FANCL: variants seen among roughly 807,000 people sequenced by gnomAD.
FANCL encodes the protein FA complementation group L.
FANCL carries 69 observed loss-of-function variants against 59.4 expected under a neutral mutation model. That is an observed-to-expected ratio of 1.16 (90% confidence interval 0.96 to 1.42). The LOEUF is 1.42. Among genes scored for constraint, FANCL ranks in the 40% most tolerant of loss-of-function variants. The pLI is 0.00. For synonymous variants in FANCL, 180 were observed against 147.1 expected (o/e 1.22, Z -1.62); for missense variants, 519 against 447.2 (o/e 1.16, Z -1.45).
chr2:58,179,757 C>G (rs757277395), intron 7 of FANCL, among the ~76,000 whole-genome samples: 1 of 152,124 alleles, frequency 6.6e-6, no homozygotes, highest in East Asian at 1.9e-4. Context: ...AGAGCTCCTT[C>G]ACAGCAAAAG....
Position 58,163,528 on chromosome 2 carries a change from A to T in FANCL, c.692-11T>A. On this transcript the variant is annotated splice_polypyrimidine_tract_variant and intron_variant, in intron 8 of 13. Coordinates refer to ENST00000233741, the MANE Select transcript of FANCL (RefSeq NM_018062.4). ...TGGAAACATTATTACCTAGAATGAA[A>T]CAAGATTAAATCTTTTAGAAGTAGA... is the stretch of plus-strand genomic sequence containing the variant. 6.6e-7 allele frequency: 1 copy of T among 1,523,872 alleles called. No homozygotes were observed. Among genetic ancestry groups the T allele is most frequent in the Middle Eastern group, 1.7e-4 (1 of 5,890 alleles). 94.4% of individuals were successfully genotyped at this position (1,523,872 alleles called of 1,614,324 possible).
At chr2:58,192,693 T>C (rs1166355708) in intron 7 of FANCL, among the ~76,000 whole-genome samples, 1 of 151,942 alleles carries the variant, frequency 6.6e-6, no homozygotes, top group African/African-American at 2.4e-5. Context: ...AACTCCTCAT[T>C]ATCTACGGTG....
chr2:58,231,429 G>C (rs144593535), intron 2 of FANCL, among the ~76,000 whole-genome samples: 2 of 152,088 alleles, frequency 1.3e-5, no homozygotes, highest in Non-Finnish European at 1.5e-5. Context: ...CTCTAGCTTA[G>C]AGATCTGAGC....
intron 1 of FANCL, among the ~76,000 whole-genome samples, chr2:58,237,604 T>C (rs1261829309): frequency 6.6e-6 from 1 of 151,790 alleles, no homozygotes; most frequent in East Asian, 1.9e-4. Flanking sequence ...TAGAAAAAAA[T>C]TGAAGAAATT....
chr2:58,223,166 A>T (rs891283256), intron 4 of FANCL, among the ~76,000 whole-genome samples: 1 of 151,430 alleles, frequency 6.6e-6, no homozygotes, highest in Non-Finnish European at 1.5e-5. Flanking sequence ...CTGGGAAAAC[A>T]GATCCGTACA....
Position 58,201,788 on chromosome 2 carries a change from G to GT in FANCL, c.471+2341dup, listed in dbSNP as rs546255325. Among the ~76,000 whole-genome samples, 90 of 151,944 alleles carry GT rather than the reference G, an allele frequency of 5.9e-4. 1 individual carries two copies. Among genetic ancestry groups the GT allele is most frequent in the South Asian group, 1.7e-3 (8 of 4,818 alleles). ...AATAAAGGACATCTAGTCAAAATAGGTATTTGTTTTCTTTGTGAGTTTCTT... is the reference window on the plus strand; with the variant it reads ...AATAAAGGACATCTAGTCAAAATAGGTTATTTGTTTTCTTTGTGAGTTTCTT... On this transcript the variant is annotated intron_variant, in intron 6 of 13. Transcript: ENST00000233741.
intron 1 of FANCL, among the ~76,000 whole-genome samples, chr2:58,236,014 T>C (rs1273083136): frequency 1.3e-5 from 2 of 150,918 alleles, no homozygotes; most frequent in African/African-American, 2.4e-5. Flanking sequence ...ATGCATGTAT[T>C]TGGAGTGCCC....
intron 7 of FANCL, among the ~76,000 whole-genome samples, chr2:58,180,382 T>C (rs370217096): frequency 6.6e-6 from 1 of 152,118 alleles, no homozygotes. Context: ...TGGAATACTA[T>C]GCAGCCATAA....
intron 2 of FANCL, among the ~76,000 whole-genome samples, chr2:58,231,479 T>C (rs565597906): frequency 2.0e-5 from 3 of 152,208 alleles, no homozygotes; most frequent in Admixed American, 1.3e-4. Flanking sequence ...TTTTCCCTCT[T>C]AACTACACTT....
rs34333134 is a variant in FANCL at position 58,190,468 on chromosome 2, G to GA, written c.540+8125dup. The stretch of plus-strand genomic sequence containing the variant: ...TCCTATATTGTGTACTATTCAAAAA[G>GA]AAAAAAAAAAAAAAAAGGCCAAGCC... On this transcript the variant is annotated intron_variant, in intron 7 of 13. Transcript: ENST00000233741. Among the ~76,000 whole-genome samples the GA allele has an allele frequency of 6.4e-3, 566 of 87,878 alleles. 2 individuals are homozygous for GA. Among genetic ancestry groups the GA allele is most frequent in the African/African-American group, 0.012 (337 of 28,332 alleles). The allele number at this position is 87,878 out of a possible 152,430, so 57.7% of individuals were successfully genotyped here. A position where few individuals can be genotyped will look rare whatever the true frequency, so the allele number is the denominator to read the frequency against.
chr2:58,175,306 C>A (rs1687174994), intron 7 of FANCL, among the ~76,000 whole-genome samples: 3 of 148,726 alleles, frequency 2.0e-5, no homozygotes, highest in Non-Finnish European at 4.4e-5. Context: ...CATTCTGATA[C>A]CAAAGCCGGG....
intron 1 of FANCL, among the ~76,000 whole-genome samples, chr2:58,235,831 A>C (rs939856901): frequency 4.6e-5 from 7 of 152,096 alleles, no homozygotes; most frequent in African/African-American, 1.7e-4. Context: ...CCCTCAAAAA[A>C]CATAATGTTT....
intron 7 of FANCL, among the ~76,000 whole-genome samples, chr2:58,193,884 T>C (rs72948853): frequency 0.02 from 3,009 of 152,264 alleles, 113 homozygotes; most frequent in African/African-American, 0.069. Context: ...AAAGGGCAGT[T>C]ATGTGACTTG....
chr2:58,221,826 CTA>C (rs1692508086), intron 5 of FANCL, 114 bp downstream of exon 5: 9 of 710,684 alleles, frequency 1.3e-5, no homozygotes, highest in Non-Finnish European at 2.2e-5. Flanking sequence ...ATCAAATACT[CTA>C]GTTACAATTA....
At chr2:58,217,181 T>G (rs867458244) in intron 5 of FANCL, among the ~76,000 whole-genome samples, 13 of 4,916 alleles carry the variant, frequency 2.6e-3, no homozygotes, top group African/African-American at 4.3e-3. Flanking sequence ...TATATATATA[T>G]ATATATATAT....
Position 58,221,963 on chromosome 2 carries a change from A to C in FANCL, c.353T>G (p.Ile118Arg). Residue 118 changes from isoleucine to arginine, a missense_variant, in exon 5 of 14, where the codon ATA (isoleucine) becomes AGA (arginine). Ile to Arg is a moderately conservative substitution (Grantham distance 97, BLOSUM62 -3). Coordinates refer to ENST00000233741, the MANE Select transcript of FANCL (RefSeq NM_018062.4). ...PQFYSSLIEE[I>R]GTLGWDKLVY... Reference sequence around the variant, plus strand: ...ATACTTATCCCAACCAAGAGTTCCTATCTCTTCAATAAGGCTTGAGTAGAA... The same window carrying C: ...ATACTTATCCCAACCAAGAGTTCCTCTCTCTTCAATAAGGCTTGAGTAGAA... 1 of 1,612,482 alleles carries C rather than the reference A, an allele frequency of 6.2e-7. No individual in the cohort carries two copies. The highest frequency in any genetic ancestry group is 1.1e-5 in the South Asian group (1 of 91,064).
rs543617379 is a variant in FANCL at position 58,189,619 on chromosome 2, G to A, written c.540+8975C>T. Among the ~76,000 whole-genome samples the A allele has an allele frequency of 4.3e-4, 65 of 152,228 alleles. 2 individuals are homozygous for A. The South Asian group carries it at 0.013, about 31-fold the overall frequency. ...GCTAGGAAAGCACTTAAGCAGGAAA[G>A]TATGAACACTGCCAATCTCAGAATG... is the stretch of plus-strand genomic sequence containing the variant. On this transcript the variant is annotated intron_variant, in intron 7 of 13. Coordinates refer to ENST00000233741, the MANE Select transcript of FANCL (RefSeq NM_018062.4).
intron 6 of FANCL, among the ~76,000 whole-genome samples, chr2:58,202,045 C>A (rs550794247): frequency 6.6e-6 from 1 of 151,480 alleles, no homozygotes; most frequent in African/African-American, 2.4e-5. Context: ...ATACAGTTAA[C>A]GTTTCAACTA....
rs141366710 is a variant in FANCL at position 58,214,973 on chromosome 2, G to C, written c.374+6969C>G. On this transcript the variant is annotated intron_variant, in intron 5 of 13. Coordinates refer to ENST00000233741, the MANE Select transcript of FANCL (RefSeq NM_018062.4). ...TTCTTATTGCACTTCTCTCAACCAT[G>C]TCAGATCCACTGAGGTAGGCTGCCT... Among the ~76,000 whole-genome samples, 19 of 152,262 alleles carry C rather than the reference G, an allele frequency of 1.2e-4. No individual in the cohort carries two copies. The East Asian group carries it at 3.5e-3, about 28-fold the overall frequency.
Sources: gnomAD v4.1 joint callset for allele counts (sites outside exome capture counted in the v4.1 genomes callset) on GRCh38, gnomAD v4.1.1 for gene constraint, MANE v1.5 for transcripts, NCBI Gene and HGNC (gene_info 2026-07-23, HGNC 2026-07-21) for gene names.